Variants in YBX3 observed in about 807,000 individuals in gnomAD.
The protein encoded by YBX3 is Y-box-binding protein 3.
In YBX3, 29 loss-of-function variants were observed where a neutral mutation model predicts 42.4. The ratio of observed to expected loss-of-function variants is 0.68; its 90% CI spans 0.51 to 0.93. YBX3 has a LOEUF of 0.93. YBX3 is among the 40% of genes least tolerant of loss of function. The probability of loss-of-function intolerance (pLI) is 0.00; values close to 1 mark genes in which losing one functional copy is unlikely to be tolerated. For missense variants in YBX3, 517 were observed against 527.5 expected (o/e 0.98, Z 0.19); for synonymous variants, 195 against 189.8 (o/e 1.03, Z -0.22).
chr12:10,703,823 A>C (rs1003353690), intron 7 of YBX3: 42 of 489,700 alleles, frequency 8.6e-5, no homozygotes, highest in Non-Finnish European at 1.3e-4. Flanking sequence ...TTTACATCTT[A>C]TTATAATTCC....
intron 3 of YBX3, among the ~76,000 whole-genome samples, chr12:10,717,283 T>A (rs1315904749): frequency 1.3e-5 from 2 of 152,200 alleles, no homozygotes; most frequent in African/African-American, 2.4e-5. Context: ...TGCAAGAGAA[T>A]GGGCTGGCAT....
At chr12:10,715,329 A>G (rs1010609497) in intron 4 of YBX3, among the ~76,000 whole-genome samples, 4 of 151,586 alleles carry the variant, frequency 2.6e-5, no homozygotes, top group Non-Finnish European at 5.9e-5. Context: ...TGGATCACCT[A>G]AGGTCAGGAG....
chr12:10,723,161 G>T lies in YBX3; in HGVS notation c.-50C>A. On this transcript the variant is annotated 5_prime_UTR_variant, in exon 1 of 10. Coordinates refer to ENST00000228251, the MANE Select transcript of YBX3 (RefSeq NM_003651.5). The stretch of plus-strand genomic sequence containing the variant: ...CAGGCGCCTCGGTGGCGGTTGGTCG[G>T]CGGTTAGCGCGGCTGGTGGTCGCGG... 1 of 1,188,028 alleles carries T rather than the reference G, an allele frequency of 8.4e-7. No individual in the cohort carries two copies. Among genetic ancestry groups the T allele is most frequent in the Non-Finnish European group, 1.0e-6 (1 of 959,852 alleles). 73.6% of individuals were successfully genotyped at this position (1,188,028 alleles called of 1,614,324 possible).
chr12:10,717,419 A>T (rs1241647602), intron 3 of YBX3, among the ~76,000 whole-genome samples: 1 of 152,234 alleles, frequency 6.6e-6, no homozygotes, highest in African/African-American at 2.4e-5. Context: ...CCTATTTTAT[A>T]AAGGAAGTCT....
rs77507659 is a variant in YBX3 at position 10,705,560 on chromosome 12, A to T, written c.781-1412T>A. On this transcript the variant is annotated intron_variant, in intron 6 of 9. Coordinates refer to ENST00000228251, the MANE Select transcript of YBX3 (RefSeq NM_003651.5). ...CTCACTGCATCCTGTCAGGTGGCAT[A>T]TAGTTTCAATTTGTGCCATTACTGA... Among the ~76,000 whole-genome samples the T allele has an allele frequency of 5.4e-3, 821 of 152,308 alleles. 11 individuals are homozygous for T. Among genetic ancestry groups the T allele is most frequent in the East Asian group, 0.032 (167 of 5,182 alleles).
rs185082483 is a variant in YBX3 at position 10,710,425 on chromosome 12, A to G, written c.574-311T>C. 9 of 1,276,536 alleles carry G rather than the reference A, an allele frequency of 7.1e-6. No homozygotes were observed. In the East Asian group the frequency reaches 3.3e-4, roughly 47 times the overall value. 79.1% of individuals were successfully genotyped at this position (1,276,536 alleles called of 1,614,324 possible). On this transcript the variant is annotated intron_variant, in intron 5 of 9. Coordinates refer to ENST00000228251, the MANE Select transcript of YBX3 (RefSeq NM_003651.5). ...AACCAACCACCCGAAGAGTATCTGC[A>G]AGGTTTATAATTTTTGCTCCATCAA...
chr12:10,703,848 C>T (rs573039973), intron 7 of YBX3: 12 of 512,314 alleles, frequency 2.3e-5, no homozygotes, highest in Admixed American at 7.1e-5. Flanking sequence ...TACAAAATGA[C>T]GCTTTGGCGC....
Position 10,723,072 on chromosome 12 carries a change from T to G in YBX3, c.40A>C (p.Thr14Pro), listed in dbSNP as rs561812999. 1.6e-5 allele frequency: 18 copies of G among 1,156,018 alleles called. No individual in the cohort carries two copies. The highest frequency in any genetic ancestry group is 5.1e-5 in the African/African-American group (3 of 59,102). 71.6% of individuals were successfully genotyped at this position (1,156,018 alleles called of 1,614,324 possible). A position where few individuals can be genotyped will look rare whatever the true frequency, so the allele number is the denominator to read the frequency against. ...GCCTCCGTCGGAGCCTGCGGGAGGG[T>G]GGTGGTGGTGGTGGTGGTGGCCTCG... ...AGEATTTTTT[T>P]LPQAPTEAAA... is the part of the protein sequence containing the mutation. The change falls in exon 1 of 10, where the codon ACC (threonine) becomes CCC (proline). Residue 14 changes from threonine to proline, a missense_variant. By Grantham distance (38) the Thr-to-Pro change is conservative. Transcript: ENST00000228251.
Position 10,723,308 on chromosome 12 carries a change from C to CGCGA in YBX3, c.-198_-197insTCGC. ...GTGCTGCGCGCTCTCTCTTGGGCTC[C>CGCGA]TCGCTCGATCTTACTGCCCCAAAAA... On this transcript the variant is annotated 5_prime_UTR_variant, in exon 1 of 10. Coordinates refer to ENST00000228251, the MANE Select transcript of YBX3 (RefSeq NM_003651.5). 1 of 883,658 alleles carries CGCGA rather than the reference C, an allele frequency of 1.1e-6. No individual in the cohort carries two copies. Among genetic ancestry groups the CGCGA allele is most frequent in the Non-Finnish European group, 1.4e-6 (1 of 690,818 alleles). The allele number at this position is 883,658 out of a possible 1,614,324, so 54.7% of individuals were successfully genotyped here.
Position 10,723,160 on chromosome 12 carries a change from G to C in YBX3, c.-49C>G, listed in dbSNP as rs909661513. The C allele has an allele frequency of 2.1e-5, 25 of 1,187,830 alleles. No homozygotes were observed. The highest frequency in any genetic ancestry group is 2.6e-5 in the Non-Finnish European group (25 of 959,790). The allele number at this position is 1,187,830 out of a possible 1,614,324, so 73.6% of individuals were successfully genotyped here. ...TCAGGCGCCTCGGTGGCGGTTGGTC[G>C]GCGGTTAGCGCGGCTGGTGGTCGCG... On this transcript the variant is annotated 5_prime_UTR_variant, in exon 1 of 10. Transcript: ENST00000228251.
Position 10,701,271 on chromosome 12 carries a change from G to A in YBX3, c.*17C>T, listed in dbSNP as rs752133092. On this transcript the variant is annotated 3_prime_UTR_variant, in exon 9 of 10. Coordinates refer to ENST00000228251, the MANE Select transcript of YBX3 (RefSeq NM_003651.5). ...GCTCTTACCTGCCGATGGTGAAGGT[G>A]CCTGAGGAGCCTGGTGTTACTCAGC... 3.8e-6 allele frequency: 3 copies of A among 780,092 alleles called. No homozygotes were observed. The Admixed American group carries it at 5.1e-5, about 13-fold the overall frequency. 48.3% of individuals were successfully genotyped at this position (780,092 alleles called of 1,614,324 possible).
At chr12:10,717,403 T>C (rs966463134) in intron 3 of YBX3, among the ~76,000 whole-genome samples, 5 of 152,212 alleles carry the variant, frequency 3.3e-5, no homozygotes, top group African/African-American at 1.2e-4. Flanking sequence ...GTATTCCTTC[T>C]CTTAACCTAT....
rs771275269 is a variant in YBX3, at chr12:10,709,924, T to A, written c.764A>T (p.His255Leu). Residue 255 changes from histidine (H) to leucine (L), a missense_variant, in exon 6 of 10, where the codon CAT becomes CTT. This residue lies in a region of YBX3 where 420 missense variants were observed against 408.5 expected (regional missense o/e 1.03). Transcript: ENST00000228251. ...TFDRRSRVLP[H>L]PNRIQAGEIG... Reference sequence around the variant, plus strand: ...CAATTTTACCTGTATTCTGTTGGGATGGGGTAAGACCCGTGAGCGACGGTC... The same window carrying A: ...CAATTTTACCTGTATTCTGTTGGGAAGGGGTAAGACCCGTGAGCGACGGTC... 3.1e-6 allele frequency: 5 copies of A among 1,614,034 alleles called. No homozygotes were observed. Among genetic ancestry groups the A allele is most frequent in the Non-Finnish European group, 8.5e-7 (1 of 1,180,032 alleles).
At position 10,723,105 on chromosome 12, in the gene YBX3, C is replaced by T. The variant is rs1195645582; in HGVS notation, c.7G>A (p.Glu3Lys). The change falls in exon 1 of 10, where the codon GAG (glutamate) becomes AAG (lysine). Residue 3 changes from glutamate to lysine, a missense_variant. Around this residue, in one of 3 missense-constraint regions of YBX3, gnomAD observed 86 missense variants for 82.5 expected, o/e 1.04. Coordinates refer to ENST00000228251, the MANE Select transcript of YBX3 (RefSeq NM_003651.5). ...GTGGTGGTGGTGGCCTCGCCCGCCT[C>T]ACTCATGCCTCCTCCTCCTCTGCTC... MSEAGEATTTTTT... is the reference protein window; with the variant it reads MSKAGEATTTTTT... 1.7e-6 allele frequency: 2 copies of T among 1,206,298 alleles called. No homozygotes were observed. Among genetic ancestry groups the T allele is most frequent in the East Asian group, 3.4e-5 (1 of 29,146 alleles). 74.7% of individuals were successfully genotyped at this position (1,206,298 alleles called of 1,614,324 possible).
intron 4 of YBX3, among the ~76,000 whole-genome samples, chr12:10,714,454 T>C (rs1948236641): frequency 2.0e-5 from 3 of 152,192 alleles, no homozygotes. Flanking sequence ...ATAAAGGGCA[T>C]TACAGACACG....
Position 10,707,965 on chromosome 12 carries a change from G to A in YBX3, c.780+1943C>T, listed in dbSNP as rs1343560285. Among the ~76,000 whole-genome samples the A allele has an allele frequency of 2.6e-5, 4 of 152,320 alleles. No homozygotes were observed. In the East Asian group the frequency reaches 7.7e-4, roughly 29 times the overall value. On this transcript the variant is annotated intron_variant, in intron 6 of 9. Coordinates refer to ENST00000228251, the MANE Select transcript of YBX3 (RefSeq NM_003651.5). The stretch of plus-strand genomic sequence containing the variant: ...TTAAAATTAAGTTCTACCACTTCTT[G>A]TCCATGTAAAATAAAAGTTGCTGAT...
intron 1 of YBX3, 99 bp downstream of exon 1, chr12:10,722,751 G>A: frequency 9.0e-7 from 1 of 1,109,640 alleles, no homozygotes; most frequent in Non-Finnish European, 1.2e-6. Context: ...AGCGTCTCCA[G>A]CCCGGGTGGG....
chr12:10,710,373 G>A, intron 5 of YBX3: 1 of 1,386,844 alleles, frequency 7.2e-7, no homozygotes, highest in Non-Finnish European at 9.3e-7. Flanking sequence ...CAATTTAATA[G>A]TCATCTCATT....
chr12:10,718,367 C>T (rs1324975528), intron 2 of YBX3: 2 of 428,638 alleles, frequency 4.7e-6, no homozygotes, highest in African/African-American at 4.0e-5. Context: ...CATACAGAAA[C>T]ATCCCGTTCC....
Sources: gnomAD v4.1 joint callset for allele counts (sites outside exome capture counted in the v4.1 genomes callset) on GRCh38, gnomAD v4.1.1 for gene constraint, gnomAD v4.1.1 regional missense constraint, MANE v1.5 for transcripts, NCBI Gene and HGNC (gene_info 2026-07-23, HGNC 2026-07-21) for gene names.